The following UBE2E2 variants were observed in gnomAD, a reference collection of about 807,000 sequenced individuals.
The protein encoded by UBE2E2 is ubiquitin-conjugating enzyme E2 E2.
In UBE2E2, 6 loss-of-function variants were observed where a neutral mutation model predicts 24.7. That is an observed-to-expected ratio of 0.24 (90% CI 0.13 to 0.48). The LOEUF is 0.48. Ranked by LOEUF, UBE2E2 falls within the 20% of genes least tolerant of loss-of-function variation. The pLI, the probability that UBE2E2 is intolerant of heterozygous loss-of-function variation, is 0.99. For synonymous variants in UBE2E2, 104 were observed against 83.6 expected, an observed-to-expected ratio of 1.24 and a Z score of -1.33; for missense variants, 169 against 245.0, an observed-to-expected ratio of 0.69 and a Z score of 2.07.
chr3:23,477,972 C>T (rs1347029217), intron 3 of UBE2E2, among the ~76,000 whole-genome samples: 2 of 152,206 alleles, frequency 1.3e-5, no homozygotes, highest in Non-Finnish European at 2.9e-5. Context: ...TGTTTGCTTC[C>T]ACTTCTGCCA....
intron 3 of UBE2E2, among the ~76,000 whole-genome samples, chr3:23,322,863 A>G (rs1052760262): frequency 2.6e-5 from 4 of 151,992 alleles, no homozygotes; most frequent in African/African-American, 9.7e-5. Flanking sequence ...GGTATCTATA[A>G]TAAATAATTG....
chr3:23,407,595 ATGTT>A lies in UBE2E2; in HGVS notation c.228-92007_228-92004del, dbSNP rs1697390890. Among the ~76,000 whole-genome samples the A allele has an allele frequency of 2.0e-5, 3 of 147,140 alleles. No homozygotes were observed. The South Asian group carries it at 6.6e-4, about 32-fold the overall frequency. On this transcript the variant is annotated intron_variant, in intron 3 of 5. Transcript: ENST00000396703. This position sits in a 1 kb window ranked among gnomAD's most constrained non-coding sequence, Gnocchi z 4.0. ...CCTCCCTCTACTTTTTATGGTTTGTATGTTTGTTTTGGGAGGAGTGCATGTGTGT... is the reference window on the plus strand; with the variant it reads ...CCTCCCTCTACTTTTTATGGTTTGTATGTTTTGGGAGGAGTGCATGTGTGT...
chr3:23,320,963 T>C (rs761934116), intron 3 of UBE2E2, among the ~76,000 whole-genome samples: 43 of 152,220 alleles, frequency 2.8e-4, no homozygotes, highest in South Asian at 4.1e-4. Flanking sequence ...ACTGGAAGTC[T>C]AAAATCAAGT....
chr3:23,444,352 A>G (rs1010691753), intron 3 of UBE2E2, among the ~76,000 whole-genome samples: 3 of 151,640 alleles, frequency 2.0e-5, no homozygotes, highest in African/African-American at 7.3e-5. Flanking sequence ...CCTTTTTTCT[A>G]CTGATGTACT....
rs1027240086 is a variant in UBE2E2 at position 23,396,403 on chromosome 3, T to C, written c.228-103205T>C. On this transcript the variant is annotated intron_variant, in intron 3 of 5. Transcript: ENST00000396703. ...TATATATGTATGTATATGTGTATAGTATATATACGTGTACATACACTGTAT... is the reference window on the plus strand; with the variant it reads ...TATATATGTATGTATATGTGTATAGCATATATACGTGTACATACACTGTAT... Among the ~76,000 whole-genome samples the C allele has an allele frequency of 2.0e-5, 3 of 150,004 alleles. No individual in the cohort carries two copies. The South Asian group carries it at 6.3e-4, about 31-fold the overall frequency.
At chr3:23,297,121 C>T (rs1476254381) in intron 3 of UBE2E2, among the ~76,000 whole-genome samples, 1 of 152,182 alleles carries the variant, frequency 6.6e-6, no homozygotes, top group African/African-American at 2.4e-5. Flanking sequence ...TGAGAGGTGT[C>T]TGTTCATATC....
chr3:23,305,137 G>A (rs962132328), intron 3 of UBE2E2, among the ~76,000 whole-genome samples: 1 of 152,024 alleles, frequency 6.6e-6, no homozygotes, highest in South Asian at 2.1e-4. Context: ...TTTATCATTG[G>A]CGACAAGTAC....
At chr3:23,219,065 T>A (rs1175166975) in intron 3 of UBE2E2, among the ~76,000 whole-genome samples, 1 of 152,180 alleles carries the variant, frequency 6.6e-6, no homozygotes, top group Non-Finnish European at 1.5e-5. Context: ...TAGTTAATTT[T>A]CTGACTTGGG....
chr3:23,478,897 T>TATATA (rs1491107621), intron 3 of UBE2E2, among the ~76,000 whole-genome samples: 2 of 8,886 alleles, frequency 2.3e-4, no homozygotes, highest in Middle Eastern at 0.12. Flanking sequence ...TATATATATA[T>TATATA]TTTTTTTTTA....
intron 3 of UBE2E2, among the ~76,000 whole-genome samples, chr3:23,471,120 C>T (rs1274288985): frequency 6.6e-6 from 1 of 152,158 alleles, no homozygotes; most frequent in Non-Finnish European, 1.5e-5. Context: ...TCAAAGGTCA[C>T]AGTTTGAAAA....
At chr3:23,282,392 T>C (rs991573473) in intron 3 of UBE2E2, among the ~76,000 whole-genome samples, 3 of 152,182 alleles carry the variant, frequency 2.0e-5, no homozygotes, top group Non-Finnish European at 4.4e-5. Flanking sequence ...TTCTATCTTA[T>C]TATGCATGAT....
chr3:23,274,478 C>T (rs1210239674), intron 3 of UBE2E2, among the ~76,000 whole-genome samples: 1 of 152,040 alleles, frequency 6.6e-6, no homozygotes, highest in African/African-American at 2.4e-5. Flanking sequence ...ATCTCCGTCT[C>T]CCAAGTACCT....
chr3:23,380,159 A>G (rs966882406), intron 3 of UBE2E2, among the ~76,000 whole-genome samples: 1 of 151,436 alleles, frequency 6.6e-6, no homozygotes, highest in Non-Finnish European at 1.5e-5. Flanking sequence ...TTTTGTTGAA[A>G]TTGCTATACT....
intron 3 of UBE2E2, among the ~76,000 whole-genome samples, chr3:23,267,124 C>A (rs527548983): frequency 0.012 from 1,762 of 151,828 alleles, 35 homozygotes; most frequent in African/African-American, 0.04. Flanking sequence ...AATTGACACC[C>A]TAACGTCACA....
At chr3:23,350,069 G>A (rs1415829131) in intron 3 of UBE2E2, among the ~76,000 whole-genome samples, 1 of 152,172 alleles carries the variant, frequency 6.6e-6, no homozygotes, top group Non-Finnish European at 1.5e-5. Flanking sequence ...AGCAGCATTT[G>A]CCGTTCACAA....
intron 3 of UBE2E2, among the ~76,000 whole-genome samples, chr3:23,379,682 A>G (rs1262292120): frequency 6.6e-6 from 1 of 151,988 alleles, no homozygotes; most frequent in Non-Finnish European, 1.5e-5. Flanking sequence ...TTATGTATTT[A>G]TTGAGTTCTA....
chr3:23,519,646 A>C (rs1056878096), intron 4 of UBE2E2, among the ~76,000 whole-genome samples: 1 of 152,166 alleles, frequency 6.6e-6, no homozygotes, highest in Non-Finnish European at 1.5e-5. Flanking sequence ...ATCTCACAAT[A>C]GTAATAGTGA....
At chr3:23,258,805 A>G (rs1697811969) in intron 3 of UBE2E2, among the ~76,000 whole-genome samples, 1 of 146,598 alleles carries the variant, frequency 6.8e-6, no homozygotes, top group Admixed American at 6.8e-5. Context: ...AGGCAGGAGA[A>G]TGGCGTGAAC....
intron 3 of UBE2E2, among the ~76,000 whole-genome samples, chr3:23,401,631 A>C (rs1697224905): frequency 6.6e-6 from 1 of 151,992 alleles, no homozygotes; most frequent in Non-Finnish European, 1.5e-5. Context: ...TATCTTCTTC[A>C]ATTATATTGG....
Sources: allele counts gnomAD v4.1 joint callset (sites outside exome capture counted in the v4.1 genomes callset), GRCh38; gene constraint gnomAD v4.1.1; non-coding constraint Gnocchi (gnomAD v3.1); transcripts MANE v1.5; gene names NCBI Gene and HGNC (gene_info 2026-07-23, HGNC 2026-07-21).